PDIA3: variants seen among roughly 807,000 people sequenced by gnomAD.
PDIA3 encodes the protein protein disulfide-isomerase A3.
In PDIA3, 16 loss-of-function variants were observed where a neutral mutation model predicts 56.9. The ratio of observed to expected loss-of-function variants is 0.28; its 90% confidence interval spans 0.19 to 0.43. PDIA3 has a LOEUF of 0.43. Ranked by LOEUF, PDIA3 falls within the 20% of genes least tolerant of loss-of-function variation. The pLI is 1.00. For synonymous variants in PDIA3, 192 were observed against 216.5 expected (o/e 0.89, Z 0.99); for missense variants, 485 against 621.3 (o/e 0.78, Z 2.33).
chr15:43,772,908 C>T lies in PDIA3; in HGVS notation c.*1690C>T, dbSNP rs992929906. 6 of 416,428 alleles carry T rather than the reference C, an allele frequency of 1.4e-5. No homozygotes were observed. Among genetic ancestry groups the T allele is most frequent in the African/African-American group, 1.0e-4 (5 of 48,714 alleles). 25.8% of individuals were successfully genotyped at this position (416,428 alleles called of 1,614,324 possible). On this transcript the variant is annotated 3_prime_UTR_variant, in exon 13 of 13. Transcript: ENST00000300289. ...CTGTCACTTTTCCTAGACTCCTAGG[C>T]ACAGCTATGGAGTCTTTGCACAGTG...
chr15:43,769,797 C>G lies in PDIA3; in HGVS notation c.1266+151C>G, dbSNP rs2086870440. 1.4e-5 allele frequency: 11 copies of G among 792,976 alleles called. No individual in the cohort carries two copies. In the Admixed American group the frequency reaches 2.8e-4, roughly 20 times the overall value. 49.1% of individuals were successfully genotyped at this position (792,976 alleles called of 1,614,324 possible). ...TTTACTCACTTTCTCGTGACTGCCC[C>G]CTAGTGCTCCAGCCTGTGCAGTGCC... On this transcript the variant is annotated intron_variant, in intron 10 of 12. Coordinates refer to ENST00000300289, the MANE Select transcript of PDIA3 (RefSeq NM_005313.5).
At chr15:43,752,511 T>C (rs1374607334) in intron 1 of PDIA3, among the ~76,000 whole-genome samples, 1 of 152,220 alleles carries the variant, frequency 6.6e-6, no homozygotes, top group Non-Finnish European at 1.5e-5. Context: ...TTGTTTGCAC[T>C]CAGTCTGAAA....
chr15:43,753,913 G>T lies in PDIA3; in HGVS notation c.246+11G>T, dbSNP rs369282824. 8 of 1,586,400 alleles carry T rather than the reference G, an allele frequency of 5.0e-6. No individual in the cohort carries two copies. In the African/African-American group the frequency reaches 8.1e-5, roughly 16 times the overall value. ...GTCCCATTAGCAAAGGTAAGTACAG[G>T]TGGATTCTTCACTAAAGGACGTGAA... is the stretch of plus-strand genomic sequence containing the variant. On this transcript the variant is annotated intron_variant, in intron 2 of 12. Transcript: ENST00000300289.
At chr15:43,748,485 A>G (rs1596016871) in intron 1 of PDIA3, among the ~76,000 whole-genome samples, 1 of 152,122 alleles carries the variant, frequency 6.6e-6, no homozygotes, top group African/African-American at 2.4e-5. Flanking sequence ...TCTCAAAAAA[A>G]AAAACCAGAA....
In PDIA3 at chr15:43,769,562, T is replaced by G. The variant is rs1482240357; in HGVS notation, c.1182T>G (p.Asn394Lys). 3 of 1,612,870 alleles carry G rather than the reference T, an allele frequency of 1.9e-6. No homozygotes were observed. The highest frequency in any genetic ancestry group is 1.7e-6 in the Non-Finnish European group (2 of 1,178,948). Reference protein sequence around the residue: ...ENFDEIVNNENKDVLIEFYAP... With the variant: ...ENFDEIVNNEKKDVLIEFYAP... ...TTGATGAAATAGTGAATAATGAAAA[T>G]AAAGATGTGCTGATTGAATTTTATG... is the stretch of plus-strand genomic sequence containing the variant. The change falls in exon 10 of 13, where the codon AAT (asparagine) becomes AAG (lysine). Residue 394 changes from asparagine (N) to lysine (K), a missense_variant. Transcript: ENST00000300289.
At chr15:43,759,584 C>G (rs966398913) in intron 3 of PDIA3, among the ~76,000 whole-genome samples, 2 of 152,026 alleles carry the variant, frequency 1.3e-5, no homozygotes, top group African/African-American at 4.8e-5. Flanking sequence ...TAGTTGTACA[C>G]CTATATCCAC....
intron 10 of PDIA3, 59 bp from the exon 11 acceptor site, chr15:43,770,191 A>C: frequency 1.5e-6 from 2 of 1,307,990 alleles, no homozygotes; most frequent in East Asian, 2.3e-5. Flanking sequence ...TCAATTGACT[A>C]AGTGTCCCTC....
At chr15:43,769,426 A>G in intron 9 of PDIA3, 92 bp from the exon 10 acceptor site, 1 of 1,217,398 alleles carries the variant, frequency 8.2e-7, no homozygotes, top group Non-Finnish European at 1.2e-6. Context: ...GTGGTAACAC[A>G]TCAAATTAGA....
At chr15:43,765,324 T>G in intron 5 of PDIA3, 126 bp from the exon 6 acceptor site, 2 of 688,266 alleles carry the variant, frequency 2.9e-6, no homozygotes, top group South Asian at 1.7e-5. Flanking sequence ...AAGGCTACAG[T>G]GAGCTATAAT....
At position 43,753,909 on chromosome 15, in the gene PDIA3, A is replaced by T. The variant is rs780493102; in HGVS notation, c.246+7A>T. On this transcript the variant is annotated splice_region_variant and intron_variant, in intron 2 of 12. Transcript: ENST00000300289. ...AATAGTCCCATTAGCAAAGGTAAGTACAGGTGGATTCTTCACTAAAGGACG... is the reference window on the plus strand; with the variant it reads ...AATAGTCCCATTAGCAAAGGTAAGTTCAGGTGGATTCTTCACTAAAGGACG... The T allele has an allele frequency of 1.3e-6, 2 of 1,593,202 alleles. No homozygotes were observed. The highest frequency in any genetic ancestry group is 1.7e-6 in the Non-Finnish European group (2 of 1,161,058).
intron 8 of PDIA3, among the ~76,000 whole-genome samples, chr15:43,767,292 C>T (rs1023366443): frequency 2.6e-5 from 4 of 152,040 alleles, no homozygotes; most frequent in East Asian, 1.9e-4. Flanking sequence ...GCGGAGGTTG[C>T]GGTGAACCAG....
intron 10 of PDIA3, 140 bp downstream of exon 10, chr15:43,769,786 C>T (rs2086870369): frequency 3.4e-6 from 3 of 873,412 alleles, no homozygotes; most frequent in South Asian, 1.7e-5. Flanking sequence ...CTCACTTTCT[C>T]GTGACTGCCC....
intron 12 of PDIA3, 93 bp from the exon 13 acceptor site, chr15:43,771,012 T>C (rs891394105): frequency 3.9e-6 from 3 of 776,210 alleles, no homozygotes; most frequent in East Asian, 2.6e-5. Context: ...GCTGCTAATA[T>C]GCTTTTACAA....
intron 2 of PDIA3, among the ~76,000 whole-genome samples, chr15:43,756,278 C>T (rs538938253): frequency 6.6e-6 from 1 of 152,264 alleles, no homozygotes; most frequent in East Asian, 1.9e-4. Context: ...ATCGATATAT[C>T]CCCTTGGTGA....
At chr15:43,769,345 G>C (rs2086867617) in intron 9 of PDIA3, among the ~76,000 whole-genome samples, 173 bp from the exon 10 acceptor site, 1 of 152,106 alleles carries the variant, frequency 6.6e-6, no homozygotes, top group Non-Finnish European at 1.5e-5. Flanking sequence ...GGAACGAGTT[G>C]GTATCTAGTG....
At chr15:43,762,978 A>G (rs187039398) in intron 4 of PDIA3, 99 bp from the exon 5 acceptor site, 1 of 1,210,642 alleles carries the variant, frequency 8.3e-7, no homozygotes, top group Non-Finnish European at 1.2e-6. Context: ...TCAAAATAGA[A>G]TGAAATGTTT....
chr15:43,756,268 A>G (rs1187635714), intron 2 of PDIA3, among the ~76,000 whole-genome samples: 2 of 152,234 alleles, frequency 1.3e-5, no homozygotes, highest in Non-Finnish European at 2.9e-5. Context: ...ATGTACCACC[A>G]TCGATATATC....
intron 3 of PDIA3, 72 bp downstream of exon 3, chr15:43,756,838 G>A (rs2086781419): frequency 1.1e-6 from 1 of 883,496 alleles, no homozygotes; most frequent in African/African-American, 1.7e-5. Context: ...ACATAAAAAT[G>A]TGTTTTTCTA....
chr15:43,765,079 CAT>C lies in PDIA3; in HGVS notation c.603-369_603-368del, dbSNP rs554675807. ...CTAGTTAAAAGTGGCAGCAAAAGTACATAGTCTGAGCTTTACATGAAACATGG... is the reference window on the plus strand; with the variant it reads ...CTAGTTAAAAGTGGCAGCAAAAGTACAGTCTGAGCTTTACATGAAACATGG... On this transcript the variant is annotated intron_variant, in intron 5 of 12. Transcript: ENST00000300289. Among the ~76,000 whole-genome samples the C allele has an allele frequency of 1.4e-4, 21 of 152,240 alleles. No homozygotes were observed. In the East Asian group the frequency reaches 3.7e-3, roughly 27 times the overall value.
Sources: allele counts gnomAD v4.1 joint callset (sites outside exome capture counted in the v4.1 genomes callset), GRCh38; gene constraint gnomAD v4.1.1; transcripts MANE v1.5; gene names NCBI Gene and HGNC (gene_info 2026-07-23, HGNC 2026-07-21).